KHDRBS2: variants seen among roughly 807,000 people sequenced by gnomAD.
KHDRBS2 encodes KH RNA binding domain containing, signal transduction associated 2, also known as KH domain-containing, RNA-binding, signal transduction-associated protein 2.
Under a neutral mutation model 44.3 loss-of-function variants are expected in KHDRBS2, and 26 were observed. That is an observed-to-expected ratio of 0.59 (90% CI 0.43 to 0.81). KHDRBS2 has a LOEUF of 0.81. Among genes scored for constraint, KHDRBS2 ranks in the 40% least tolerant of loss-of-function variants. The pLI, the probability that KHDRBS2 is intolerant of heterozygous loss-of-function variation, is 0.00. For missense variants in KHDRBS2, 476 were observed against 433.1 expected, an observed-to-expected ratio of 1.10 and a Z score of -0.88; for synonymous variants, 194 against 151.1, an observed-to-expected ratio of 1.28 and a Z score of -2.08.
intron 1 of KHDRBS2, among the ~76,000 whole-genome samples, chr6:62,240,622 A>G (rs1282911777): frequency 6.9e-6 from 1 of 145,502 alleles, no homozygotes; most frequent in Non-Finnish European, 1.5e-5. Flanking sequence ...ACATATACAC[A>G]TATGTACACA....
chr6:62,040,594 C>T (rs774183394), intron 3 of KHDRBS2, among the ~76,000 whole-genome samples: 2 of 152,000 alleles, frequency 1.3e-5, no homozygotes, highest in South Asian at 2.1e-4. Flanking sequence ...TCTTTGCTCG[C>T]ATGTGTAAAG....
chr6:61,878,559 G>C (rs1799771711), intron 6 of KHDRBS2, among the ~76,000 whole-genome samples: 1 of 151,998 alleles, frequency 6.6e-6, no homozygotes, highest in Non-Finnish European at 1.5e-5. Context: ...TGAACTTGCT[G>C]TTCTGCTGCT....
At chr6:62,055,093 A>G (rs1340914784) in intron 2 of KHDRBS2, among the ~76,000 whole-genome samples, 1 of 152,044 alleles carries the variant, frequency 6.6e-6, no homozygotes, top group Non-Finnish European at 1.5e-5. Context: ...AAATACAATA[A>G]CTGTAAAATA....
At chr6:61,913,798 G>C (rs1806475761) in intron 4 of KHDRBS2, among the ~76,000 whole-genome samples, 1 of 152,048 alleles carries the variant, frequency 6.6e-6, no homozygotes. Context: ...TCTGTCATGT[G>C]TGGATCTGGT....
At chr6:62,145,192 T>A (rs1813666061) in intron 2 of KHDRBS2, among the ~76,000 whole-genome samples, 1 of 151,860 alleles carries the variant, frequency 6.6e-6, no homozygotes, top group African/African-American at 2.4e-5. Context: ...TCTTTATAAT[T>A]TTTATGTTTT....
intron 1 of KHDRBS2, among the ~76,000 whole-genome samples, chr6:62,258,478 G>A (rs377448590): frequency 6.6e-6 from 1 of 151,958 alleles, no homozygotes; most frequent in Admixed American, 6.6e-5. Flanking sequence ...TGAGGATCAC[G>A]GGCATGTAAA....
chr6:62,031,160 G>A (rs1784274733), intron 3 of KHDRBS2, among the ~76,000 whole-genome samples: 1 of 152,040 alleles, frequency 6.6e-6, no homozygotes, highest in Non-Finnish European at 1.5e-5. Flanking sequence ...GGCCAGACAG[G>A]GACCTGCTGC....
chr6:62,129,542 A>C (rs1809770857), intron 2 of KHDRBS2, among the ~76,000 whole-genome samples: 1 of 152,170 alleles, frequency 6.6e-6, no homozygotes, highest in Non-Finnish European at 1.5e-5. Flanking sequence ...TATCTTAACA[A>C]CTTCCAAGTT....
At chr6:62,058,564 G>A (rs1023649078) in intron 2 of KHDRBS2, among the ~76,000 whole-genome samples, 6 of 151,808 alleles carry the variant, frequency 4.0e-5, no homozygotes, top group East Asian at 1.9e-4. Context: ...AAGTGGGACC[G>A]TAGACACAGA....
chr6:61,825,396 A>G (rs549624674), intron 6 of KHDRBS2, among the ~76,000 whole-genome samples: 1 of 152,274 alleles, frequency 6.6e-6, no homozygotes, highest in East Asian at 1.9e-4. Context: ...TTCTGCATCT[A>G]ATCATGCTTA....
intron 7 of KHDRBS2, among the ~76,000 whole-genome samples, chr6:61,716,980 G>T (rs1261484332): frequency 6.6e-6 from 1 of 152,060 alleles, no homozygotes; most frequent in African/African-American, 2.4e-5. Flanking sequence ...GAGGAGAAAT[G>T]ACTGGCATGT....
the KHDRBS2 span, among the ~76,000 whole-genome samples, chr6:61,546,565 A>G: frequency 6.6e-6 from 1 of 152,196 alleles, no homozygotes; most frequent in Admixed American, 6.6e-5. Flanking sequence ...GACACCAAGC[A>G]ATTCTAATAT....
chr6:62,222,558 AAAC>A (rs1831081439), intron 1 of KHDRBS2, among the ~76,000 whole-genome samples: 1 of 152,260 alleles, frequency 6.6e-6, no homozygotes, highest in East Asian at 1.9e-4. Flanking sequence ...CAGGTCCCTC[AAAC>A]AACATGTGGG....
chr6:61,900,300 T>C (rs1275614063), intron 5 of KHDRBS2, among the ~76,000 whole-genome samples: 1 of 152,068 alleles, frequency 6.6e-6, no homozygotes, highest in Non-Finnish European at 1.5e-5. Context: ...GTATTTGAGG[T>C]ATAATTTAAG....
At chr6:62,191,579 C>T (rs1219300832) in intron 1 of KHDRBS2, among the ~76,000 whole-genome samples, 3 of 152,050 alleles carry the variant, frequency 2.0e-5, no homozygotes, top group Non-Finnish European at 2.9e-5. Context: ...TTTTTCACTC[C>T]CAGCACTCAT....
intron 3 of KHDRBS2, among the ~76,000 whole-genome samples, chr6:61,991,757 G>C (rs1584012770): frequency 1.3e-5 from 2 of 152,268 alleles, no homozygotes; most frequent in East Asian, 3.9e-4. Flanking sequence ...CCAGCAGCAG[G>C]ATGCCAAGAC....
At chr6:62,004,713 AAG>A (rs1778905916) in intron 3 of KHDRBS2, among the ~76,000 whole-genome samples, 1 of 152,182 alleles carries the variant, frequency 6.6e-6, no homozygotes, top group African/African-American at 2.4e-5. Flanking sequence ...ACAACAAAAA[AAG>A]AGAATTTTAG....
chr6:61,968,001 C>G (rs1770500973), intron 4 of KHDRBS2, among the ~76,000 whole-genome samples: 1 of 148,810 alleles, frequency 6.7e-6, no homozygotes, highest in Admixed American at 6.8e-5. Context: ...GAAAATATAC[C>G]CCCTCTCTCT....
intron 3 of KHDRBS2, among the ~76,000 whole-genome samples, chr6:62,038,619 G>C (rs551284309): frequency 6.6e-6 from 1 of 151,990 alleles, no homozygotes; most frequent in Admixed American, 6.6e-5. Context: ...TGCTGATGAC[G>C]CACTTGAGTT....
Sources: allele counts gnomAD v4.1 joint callset (sites outside exome capture counted in the v4.1 genomes callset), GRCh38; gene constraint gnomAD v4.1.1; transcripts MANE v1.5; gene names NCBI Gene and HGNC (gene_info 2026-07-23, HGNC 2026-07-21).